The following LPIN1 variants were observed in gnomAD, a reference collection of about 807,000 sequenced individuals.
LPIN1 encodes the protein lipin 1, also known as phosphatidate phosphatase LPIN1.
A neutral mutation model predicts 107.5 loss-of-function variants in LPIN1; 71 were observed. That is an observed-to-expected ratio of 0.66 (90% CI 0.55 to 0.80). The LOEUF (loss-of-function observed/expected upper bound fraction) is 0.80. Among genes scored for constraint, LPIN1 ranks in the 30% least tolerant of loss-of-function variants. The probability of loss-of-function intolerance (pLI) is 0.00; values close to 1 mark genes in which losing one functional copy is unlikely to be tolerated. For synonymous variants in LPIN1, 445 were observed against 452.6 expected, an observed-to-expected ratio of 0.98 and a Z score of 0.21; for missense variants, 1,043 against 1,160.6, an observed-to-expected ratio of 0.90 and a Z score of 1.47.
intron 7 of LPIN1, 150 bp from the exon 8 acceptor site, chr2:11,782,051 T>G (rs1673655280): frequency 4.5e-6 from 3 of 665,736 alleles, no homozygotes; most frequent in Admixed American, 2.6e-5. Flanking sequence ...CTGGACTTTT[T>G]GGCAGGTATA....
chr2:11,810,871 C>G (rs1679529634), intron 17 of LPIN1, among the ~76,000 whole-genome samples: 1 of 152,174 alleles, frequency 6.6e-6, no homozygotes, highest in African/African-American at 2.4e-5. Flanking sequence ...TTAAATCTCC[C>G]CGAGTCAGTG....
At chr2:11,727,436 C>T (rs959991615) in intron 1 of LPIN1, among the ~76,000 whole-genome samples, 1 of 152,164 alleles carries the variant, frequency 6.6e-6, no homozygotes, top group Non-Finnish European at 1.5e-5. Context: ...CCTCCAGGCT[C>T]ATGTGGCATT....
At chr2:11,714,758 G>C (rs901613694) in intron 2 of LPIN1, among the ~76,000 whole-genome samples, 1 of 152,214 alleles carries the variant, frequency 6.6e-6, no homozygotes, top group African/African-American at 2.4e-5. Flanking sequence ...CTGTGGCCTG[G>C]TCCAAGCCTT....
intron 1 of LPIN1, among the ~76,000 whole-genome samples, chr2:11,683,516 T>A (rs1661835524): frequency 6.6e-6 from 1 of 152,018 alleles, no homozygotes; most frequent in African/African-American, 2.4e-5. Context: ...GAGTTGAACG[T>A]GAGGGATGGG....
At chr2:11,754,630 GGGA>G in intron 1 of LPIN1, among the ~76,000 whole-genome samples, 1 of 152,288 alleles carries the variant, frequency 6.6e-6, no homozygotes. Context: ...CACCTCCTAT[GGGA>G]GGTCATGACA....
chr2:11,779,952 C>G (rs1673305393), intron 7 of LPIN1, among the ~76,000 whole-genome samples: 1 of 151,882 alleles, frequency 6.6e-6, no homozygotes. Flanking sequence ...TCTATCTTGG[C>G]TCACTGCAAC....
intron 1 of LPIN1, among the ~76,000 whole-genome samples, chr2:11,686,979 C>T (rs1662039249): frequency 6.9e-6 from 1 of 145,526 alleles, no homozygotes; most frequent in Non-Finnish European, 1.5e-5. Flanking sequence ...TGCTCCATGT[C>T]ATAGCTTTTG....
At chr2:11,696,046 C>CTTTTTTTTTTTT (rs531347349) in intron 1 of LPIN1, among the ~76,000 whole-genome samples, 13 of 126,052 alleles carry the variant, frequency 1.0e-4, no homozygotes, top group African/African-American at 1.7e-4. Flanking sequence ...GCTGACTCTC[C>CTTTTTTTTTTTT]TTTTTTTTTT....
At chr2:11,728,957 C>G (rs976087378) in intron 1 of LPIN1, among the ~76,000 whole-genome samples, 1 of 152,188 alleles carries the variant, frequency 6.6e-6, no homozygotes, top group Non-Finnish European at 1.5e-5. Flanking sequence ...GTTGCCCGTT[C>G]ACTCTGATGC....
upstream of LPIN1, among the ~76,000 whole-genome samples, chr2:11,719,991 A>G (rs1366558703): frequency 1.3e-5 from 2 of 151,790 alleles, no homozygotes; most frequent in African/African-American, 4.8e-5. Flanking sequence ...CCTCCCTTTT[A>G]TCATTCCCTT....
intron 20 of LPIN1, among the ~76,000 whole-genome samples, chr2:11,821,985 A>G (rs1681602027): frequency 6.6e-6 from 1 of 152,184 alleles, no homozygotes; most frequent in Non-Finnish European, 1.5e-5. Flanking sequence ...CCACTGTTCT[A>G]AGTGGCTGAC....
intron 17 of LPIN1, among the ~76,000 whole-genome samples, chr2:11,809,901 G>T (rs975806848): frequency 1.3e-5 from 2 of 152,200 alleles, no homozygotes; most frequent in African/African-American, 4.8e-5. Flanking sequence ...CTCACCCTGG[G>T]CCCTGGGACC....
intron 1 of LPIN1, chr2:11,763,032 C>T (rs1309452398): frequency 2.0e-5 from 3 of 152,214 alleles, no homozygotes; most frequent in Admixed American, 1.3e-4. Flanking sequence ...GTATTTGCAA[C>T]CACGTGGCTT....
chr2:11,799,156 C>G (rs959517787), intron 14 of LPIN1, among the ~76,000 whole-genome samples: 2 of 152,174 alleles, frequency 1.3e-5, no homozygotes, highest in South Asian at 4.1e-4. Context: ...GCCGAAACCA[C>G]CAACAGCCAA....
rs945547181 is a variant in LPIN1, at chr2:11,697,040, C to T, written c.82-16716C>T. Among the ~76,000 whole-genome samples, 2 of 152,266 alleles carry T rather than the reference C, an allele frequency of 1.3e-5. No individual in the cohort carries two copies. Among genetic ancestry groups the T allele is most frequent in the Admixed American group, 6.5e-5 (1 of 15,294 alleles). ...GCTCCTGCCCAGCCTCTGGGTCCCCCACCTGTGGCCCAGGGAAGGCTCTTT... is the reference window on the plus strand; with the variant it reads ...GCTCCTGCCCAGCCTCTGGGTCCCCTACCTGTGGCCCAGGGAAGGCTCTTT... On this transcript the variant is annotated intron_variant, in intron 1 of 21. Transcript: ENST00000449576. This position sits in a 1 kb window ranked among gnomAD's most constrained non-coding sequence, Gnocchi z 4.6.
intron 1 of LPIN1, among the ~76,000 whole-genome samples, chr2:11,709,334 G>A (rs1663287630): frequency 6.6e-6 from 1 of 152,234 alleles, no homozygotes; most frequent in Non-Finnish European, 1.5e-5. Context: ...AGAAACCACT[G>A]AGTGTAACTC....
At chr2:11,730,563 T>G (rs902082515) in intron 1 of LPIN1, among the ~76,000 whole-genome samples, 2 of 152,216 alleles carry the variant, frequency 1.3e-5, no homozygotes, top group Admixed American at 1.3e-4. Context: ...TTTCTTCACT[T>G]TATAATTTTC....
At chr2:11,729,667 T>C (rs1286287161) in intron 1 of LPIN1, among the ~76,000 whole-genome samples, 1 of 152,242 alleles carries the variant, frequency 6.6e-6, no homozygotes, top group African/African-American at 2.4e-5. Context: ...CTGCAAAGTC[T>C]ACAATATTTG....
rs1678091456 is a variant in LPIN1, at chr2:11,803,217, CA to C, written c.2013+186del. On this transcript the variant is annotated intron_variant, in intron 15 of 20. Transcript: ENST00000674199. This position sits in a 1 kb window ranked among gnomAD's most constrained non-coding sequence, Gnocchi z 4.2. Reference sequence around the variant, plus strand: ...TCCAGCACTATCCAGGCTGGGTCCCCAATATGACCTTGCCTTTTGTCTTCTC... The same window carrying C: ...TCCAGCACTATCCAGGCTGGGTCCCCATATGACCTTGCCTTTTGTCTTCTC... 6.6e-6 allele frequency among the ~76,000 whole-genome samples: 1 copy of C among 152,196 alleles called. No homozygotes were observed. Among genetic ancestry groups the C allele is most frequent in the Non-Finnish European group, 1.5e-5 (1 of 68,038 alleles).
Sources: allele counts gnomAD v4.1 joint callset (sites outside exome capture counted in the v4.1 genomes callset), GRCh38; gene constraint gnomAD v4.1.1; non-coding constraint Gnocchi (gnomAD v3.1); transcripts MANE v1.5; gene names NCBI Gene and HGNC (gene_info 2026-07-23, HGNC 2026-07-21).